Variants in EDNRA observed in about 807,000 individuals in gnomAD.
EDNRA encodes the protein endothelin receptor type A.
In EDNRA, 11 loss-of-function variants were observed where a neutral mutation model predicts 41.4. The observed-to-expected ratio is 0.27, with a 90% CI of 0.17 to 0.44. The LOEUF is 0.44. Among genes scored for constraint, EDNRA ranks in the 20% least tolerant of loss-of-function variants. The pLI is 1.00. For missense variants in EDNRA, 294 were observed against 531.0 expected, an observed-to-expected ratio of 0.55 and a Z score of 4.39; for synonymous variants, 172 against 183.0, an observed-to-expected ratio of 0.94 and a Z score of 0.49.
At chr4:147,521,130 T>C (rs994479921) in intron 3 of EDNRA, among the ~76,000 whole-genome samples, 2 of 152,090 alleles carry the variant, frequency 1.3e-5, no homozygotes, top group Admixed American at 6.6e-5. Flanking sequence ...TGGTGATGCA[T>C]GCCTGTAGTC....
intron 2 of EDNRA, among the ~76,000 whole-genome samples, chr4:147,497,149 CTTTTTTT>C (rs11330586): frequency 5.1e-4 from 38 of 75,052 alleles, no homozygotes; most frequent in East Asian, 1.7e-3. Context: ...TAGAATTCTT[CTTTTTTT>C]TTTTTTTTTT....
intron 1 of EDNRA, among the ~76,000 whole-genome samples, chr4:147,481,603 A>G (rs4835083): frequency 0.46 from 69,396 of 152,216 alleles, 20,314 homozygotes; most frequent in African/African-American, 0.84. Context: ...ACACGTGTAG[A>G]GTTCGGGGAA....
Position 147,485,201 on chromosome 4 carries a change from A to ATAGCCTACTACTTAAAGGAAAAACTGACG in EDNRA, c.-70-405_-70-404insACTACTTAAAGGAAAAACTGACGTAGCCT, listed in dbSNP as rs534890746. Among the ~76,000 whole-genome samples, 21 of 152,372 alleles carry ATAGCCTACTACTTAAAGGAAAAACTGACG rather than the reference A, an allele frequency of 1.4e-4. No homozygotes were observed. In the East Asian group the frequency reaches 3.3e-3, roughly 24 times the overall value. ...ACTACTACTTAAAGGAAAAACTGACATAGCCTCATCCATATTATGATGTAG... is the reference window on the plus strand; with the variant it reads ...ACTACTACTTAAAGGAAAAACTGACATAGCCTACTACTTAAAGGAAAAACTGACGTAGCCTCATCCATATTATGATGTAG... On this transcript the variant is annotated intron_variant, in intron 1 of 7. Transcript: ENST00000651419.
chr4:147,504,977 A>G (rs1319601129), intron 2 of EDNRA, among the ~76,000 whole-genome samples: 1 of 148,398 alleles, frequency 6.7e-6, no homozygotes, highest in Non-Finnish European at 1.5e-5. Flanking sequence ...AAAAAAAAAA[A>G]GGATTCATAT....
intron 3 of EDNRA, among the ~76,000 whole-genome samples, chr4:147,529,526 T>C (rs1028658861): frequency 2.0e-5 from 3 of 152,022 alleles, no homozygotes; most frequent in Non-Finnish European, 4.4e-5. Context: ...TGAGAAGGAA[T>C]GGCCAGTAAG....
intron 2 of EDNRA, among the ~76,000 whole-genome samples, chr4:147,507,419 T>C (rs1486462986): frequency 6.6e-6 from 1 of 152,142 alleles, no homozygotes; most frequent in South Asian, 2.1e-4. Flanking sequence ...CCGTGCTAAG[T>C]GAAAAAAAGT....
At chr4:147,536,847 T>C (rs932321658) in intron 5 of EDNRA, among the ~76,000 whole-genome samples, 6 of 152,198 alleles carry the variant, frequency 3.9e-5, no homozygotes, top group African/African-American at 9.7e-5. Flanking sequence ...ACTAGACTCA[T>C]ACTTGGCTCT....
chr4:147,533,905 G>A (rs190975371), intron 4 of EDNRA, among the ~76,000 whole-genome samples: 8 of 152,138 alleles, frequency 5.3e-5, no homozygotes, highest in Admixed American at 2.6e-4. Context: ...TGGGCTAGAC[G>A]GTTGCAGTAA....
chr4:147,523,489 T>C (rs1048762786), intron 3 of EDNRA, among the ~76,000 whole-genome samples: 1 of 132,438 alleles, frequency 7.6e-6, no homozygotes, highest in Non-Finnish European at 1.5e-5. Flanking sequence ...TGTTTTTTTG[T>C]TTTTTTTGTT....
chr4:147,490,066 G>A (rs191296295), intron 2 of EDNRA: 1 of 151,518 alleles, frequency 6.6e-6, no homozygotes, highest in East Asian at 1.9e-4. Flanking sequence ...AATGAGTTAG[G>A]CCTAGAATTA....
intron 2 of EDNRA, chr4:147,506,307 A>G (rs1308705083): frequency 2.2e-6 from 1 of 451,502 alleles, no homozygotes; most frequent in African/African-American, 2.0e-5. Context: ...TATATGAACA[A>G]TATTTACTGA....
At chr4:147,483,808 C>T (rs1283673798) in intron 1 of EDNRA, among the ~76,000 whole-genome samples, 2 of 151,576 alleles carry the variant, frequency 1.3e-5, no homozygotes, top group African/African-American at 4.9e-5. Context: ...CAGCCTTAAC[C>T]TCCTGGACTC....
At position 147,512,556 on chromosome 4, in the gene EDNRA, G is replaced by A. The variant is rs143312449; in HGVS notation, c.421-7295G>A. Among the ~76,000 whole-genome samples, 5 of 152,274 alleles carry A rather than the reference G, an allele frequency of 3.3e-5. No homozygotes were observed. In the East Asian group the frequency reaches 7.7e-4, roughly 23 times the overall value. On this transcript the variant is annotated intron_variant, in intron 2 of 7. Coordinates refer to ENST00000651419, the MANE Select transcript of EDNRA (RefSeq NM_001957.4). ...AGTTCCTCAGAATCCATCTCCTACG[G>A]GAACTAACATTTATGATTTGCTATA...
intron 1 of EDNRA, among the ~76,000 whole-genome samples, chr4:147,483,406 C>T (rs1400847279): frequency 1.3e-5 from 2 of 152,162 alleles, no homozygotes; most frequent in African/African-American, 4.8e-5. Flanking sequence ...AGATATTGCT[C>T]CTGCCTACCT....
Position 147,481,238 on chromosome 4 carries a change from C to G in EDNRA, c.-209C>G, listed in dbSNP as rs1377725829. ...AGGAGGTTTTCTGAAGCCGGGGAAG[C>G]TGTGCAGCCGAAGCCGCCGCCGCGC... On this transcript the variant is annotated 5_prime_UTR_variant, in exon 1 of 8. Coordinates refer to ENST00000651419, the MANE Select transcript of EDNRA (RefSeq NM_001957.4). The G allele has an allele frequency of 2.0e-5, 3 of 153,140 alleles. No homozygotes were observed. The Admixed American group carries it at 2.0e-4, about 10-fold the overall frequency. 9.5% of individuals were successfully genotyped at this position (153,140 alleles called of 1,614,324 possible). A position where few individuals can be genotyped will look rare whatever the true frequency, so the allele number is the denominator to read the frequency against.
chr4:147,502,851 TA>T (rs1729561709), intron 2 of EDNRA, among the ~76,000 whole-genome samples: 1 of 123,432 alleles, frequency 8.1e-6, no homozygotes, highest in Non-Finnish European at 1.6e-5. Context: ...CAAAAATATG[TA>T]TTTAGCCTAA....
intron 2 of EDNRA, among the ~76,000 whole-genome samples, chr4:147,503,963 A>T (rs530961237): frequency 6.6e-6 from 1 of 152,278 alleles, no homozygotes; most frequent in African/African-American, 2.4e-5. Context: ...TATATTTTCC[A>T]AAACAAAAAA....
At chr4:147,481,674 T>G (rs935332076) in intron 1 of EDNRA, among the ~76,000 whole-genome samples, 1 of 152,198 alleles carries the variant, frequency 6.6e-6, no homozygotes, top group Non-Finnish European at 1.5e-5. Context: ...GCCCAATAGT[T>G]TTCCCTGGGT....
At chr4:147,524,450 G>A (rs1730459070) in intron 3 of EDNRA, among the ~76,000 whole-genome samples, 1 of 151,698 alleles carries the variant, frequency 6.6e-6, no homozygotes, top group Admixed American at 6.6e-5. Context: ...ATAAATAGTT[G>A]TGTATCAAAT....
Sources: gnomAD v4.1 joint callset for allele counts (sites outside exome capture counted in the v4.1 genomes callset) on GRCh38, gnomAD v4.1.1 for gene constraint, MANE v1.5 for transcripts, NCBI Gene and HGNC (gene_info 2026-07-23, HGNC 2026-07-21) for gene names.